The following TEX11 variants were observed in gnomAD, a reference collection of about 807,000 sequenced individuals.
TEX11 encodes testis-expressed protein 11.
TEX11 carries 7 observed loss-of-function variants against 84.4 expected under a neutral mutation model. That is an observed-to-expected ratio of 0.08 (90% CI 0.05 to 0.16). TEX11 has a LOEUF of 0.16. Among genes scored for constraint, TEX11 ranks in the 10% least tolerant of loss-of-function variants. The pLI is 1.00. For missense variants in TEX11, 551 were observed against 660.5 expected (o/e 0.83, Z 1.82); for synonymous variants, 264 against 222.8 (o/e 1.18, Z -1.64).
At chrX:70,649,772 T>C (rs760581454) in intron 17 of TEX11, among the ~76,000 whole-genome samples, 2 of 110,942 alleles carry the variant, frequency 1.8e-5, no homozygotes, top group Non-Finnish European at 3.8e-5. Flanking sequence ...AGACCCCATC[T>C]CAAAAAAACA....
intron 24 of TEX11, among the ~76,000 whole-genome samples, chrX:70,601,534 C>CTTTTTTTTTTTTTTTTTTTTTTTT (rs1182961993): frequency 3.2e-5 from 2 of 63,401 alleles, no homozygotes; most frequent in Non-Finnish European, 5.5e-5. Context: ...CAGCATCATT[C>CTTTTTTTTTTTTTTTTTTTTTTTT]TTTTTTTTTT....
At chrX:70,656,474 T>A (rs2089867817) in intron 16 of TEX11, among the ~76,000 whole-genome samples, 3 of 110,762 alleles carry the variant, frequency 2.7e-5, no homozygotes, top group African/African-American at 9.9e-5. Flanking sequence ...ATTCTGGAAA[T>A]ATGTGGTAGA....
At chrX:70,875,163 G>A (rs2147869539) in intron 3 of TEX11, among the ~76,000 whole-genome samples, 1 of 110,101 alleles carries the variant, frequency 9.1e-6, no homozygotes, top group Admixed American at 9.7e-5. Context: ...GCGAGACAGA[G>A]CGAGACTCTG....
Position 70,734,906 on chromosome X carries a change from T to C in TEX11, c.843+5795A>G, listed in dbSNP as rs772372676. Among the ~76,000 whole-genome samples, 3 of 111,922 alleles carry C rather than the reference T, an allele frequency of 2.7e-5. No individual in the cohort carries two copies. In the East Asian group the frequency reaches 8.4e-4, roughly 31 times the overall value. Reference sequence around the variant, plus strand: ...TACTTAATGGCAAAATACTGAAAGCTCTCTAAGATTAGGGAAAGATACTGC... The same window carrying C: ...TACTTAATGGCAAAATACTGAAAGCCCTCTAAGATTAGGGAAAGATACTGC... On this transcript the variant is annotated intron_variant, in intron 11 of 29. Transcript: ENST00000374333.
intron 25 of TEX11, among the ~76,000 whole-genome samples, chrX:70,579,454 A>C (rs1307674713): frequency 9.3e-6 from 1 of 107,217 alleles, no homozygotes; most frequent in African/African-American, 3.4e-5. Flanking sequence ...CCGAGATCGC[A>C]CCACTGCACT....
intron 11 of TEX11, among the ~76,000 whole-genome samples, chrX:70,737,138 TA>T (rs1389184169): frequency 9.0e-6 from 1 of 110,881 alleles, no homozygotes; most frequent in East Asian, 2.8e-4. Flanking sequence ...AAAATTTAAC[TA>T]GAGACTTGGA....
At chrX:70,519,249 A>G in the TEX11 span, among the ~76,000 whole-genome samples, 1 of 111,833 alleles carries the variant, frequency 8.9e-6, no homozygotes, top group Non-Finnish European at 1.9e-5. Flanking sequence ...AGTGGCTGGT[A>G]CGGGTTGTTC....
the TEX11 span, among the ~76,000 whole-genome samples, chrX:70,522,376 G>C: frequency 8.9e-6 from 1 of 111,839 alleles, no homozygotes; most frequent in Admixed American, 9.5e-5. Context: ...GCTCTTAGTG[G>C]GTATGCATTA....
intron 13 of TEX11, among the ~76,000 whole-genome samples, chrX:70,711,418 G>A (rs1266207315): frequency 5.5e-5 from 6 of 109,578 alleles, no homozygotes; most frequent in South Asian, 8.1e-4. Context: ...GTGTAAAAGT[G>A]TTCCTATTTC....
intron 25 of TEX11, among the ~76,000 whole-genome samples, chrX:70,591,263 A>T (rs1009203913): frequency 1.8e-5 from 2 of 111,277 alleles, no homozygotes; most frequent in Non-Finnish European, 3.8e-5. Context: ...GTAGTGTGTT[A>T]CAGAGTCAAT....
intron 24 of TEX11, among the ~76,000 whole-genome samples, chrX:70,598,282 A>G (rs1453493287): frequency 8.9e-6 from 1 of 112,603 alleles, no homozygotes; most frequent in Non-Finnish European, 1.9e-5. Context: ...ATCATTAGTC[A>G]TAATGGAAAT....
intron 11 of TEX11, among the ~76,000 whole-genome samples, chrX:70,727,666 G>T (rs1271996703): frequency 9.0e-6 from 1 of 111,359 alleles, no homozygotes; most frequent in Non-Finnish European, 1.9e-5. Context: ...TGAGGTGGGG[G>T]CTTTGGGAGG....
At chrX:70,872,520 T>C (rs143666760) in intron 4 of TEX11, among the ~76,000 whole-genome samples, 306 of 112,496 alleles carry the variant, frequency 2.7e-3, no homozygotes, top group Non-Finnish European at 4.5e-3. Context: ...CCTTTATAAT[T>C]GGCAATATAC....
intron 11 of TEX11, among the ~76,000 whole-genome samples, chrX:70,731,551 T>C (rs2147733263): frequency 8.9e-6 from 1 of 111,776 alleles, no homozygotes; most frequent in South Asian, 3.8e-4. Flanking sequence ...CTAGAAAATC[T>C]AGAAGAAATG....
chrX:70,679,600 T>C (rs1339305807), intron 14 of TEX11, among the ~76,000 whole-genome samples: 1 of 104,836 alleles, frequency 9.5e-6, no homozygotes, highest in African/African-American at 3.5e-5. Context: ...CCGCCCCGTC[T>C]GAGAAGTGAG....
chrX:70,641,492 T>C lies in TEX11; in HGVS notation c.1483+9958A>G, dbSNP rs770666604. Among the ~76,000 whole-genome samples the C allele has an allele frequency of 8.1e-5, 9 of 110,993 alleles. No homozygotes were observed. In the South Asian group the frequency reaches 3.5e-3, roughly 44 times the overall value. ...TTTTTTCAGCACCACACCACACCTA[T>C]TGCAAAACTGACCACATACTTGGAA... On this transcript the variant is annotated intron_variant, in intron 17 of 29. Transcript: ENST00000374333.
intron 9 of TEX11, among the ~76,000 whole-genome samples, chrX:70,796,680 C>G: frequency 8.9e-6 from 1 of 112,293 alleles, no homozygotes. Context: ...AGACAACCTA[C>G]AGAATGGGAG....
At chrX:70,689,381 A>G (rs1339397370) in intron 13 of TEX11, among the ~76,000 whole-genome samples, 2 of 111,759 alleles carry the variant, frequency 1.8e-5, no homozygotes, top group Non-Finnish European at 3.8e-5. Context: ...CAACAAGCAC[A>G]ACTAACATTC....
At chrX:70,664,974 A>T (rs1198923115) in intron 16 of TEX11, among the ~76,000 whole-genome samples, 1 of 110,335 alleles carries the variant, frequency 9.1e-6, no homozygotes. Flanking sequence ...CATTTTTCGA[A>T]CTTTATATGG....
Sources: gnomAD v4.1 joint callset for allele counts (sites outside exome capture counted in the v4.1 genomes callset) on GRCh38, gnomAD v4.1.1 for gene constraint, MANE v1.5 for transcripts, NCBI Gene and HGNC (gene_info 2026-07-23, HGNC 2026-07-21) for gene names.